Variants in SCHIP1 observed in about 807,000 individuals in gnomAD.
The protein encoded by SCHIP1 is schwannomin interacting protein 1.
A neutral mutation model predicts 29.7 loss-of-function variants in SCHIP1; 8 were observed. The observed-to-expected ratio is 0.27, with a 90% CI of 0.16 to 0.49. SCHIP1 has a LOEUF of 0.49. Among genes scored for constraint, SCHIP1 ranks in the 20% least tolerant of loss-of-function variants. The pLI, the probability that SCHIP1 is intolerant of heterozygous loss-of-function variation, is 0.99. For missense variants in SCHIP1, 193 were observed against 294.6 expected (o/e 0.66, Z 2.52); for synonymous variants, 76 against 94.9 (o/e 0.80, Z 1.16).
chr3:159,450,144 T>C, the SCHIP1 span, among the ~76,000 whole-genome samples: 1 of 152,204 alleles, frequency 6.6e-6, no homozygotes, highest in Non-Finnish European at 1.5e-5. Context: ...AATTTAGAAG[T>C]GTTTTCACTC....
the SCHIP1 span, among the ~76,000 whole-genome samples, chr3:159,320,414 G>A: frequency 0.019 from 2,937 of 152,128 alleles, 101 homozygotes; most frequent in African/African-American, 0.068. Flanking sequence ...CTCCAGAACC[G>A]TGAGAAACAA....
chr3:159,854,972 C>CT (rs372187507), intron 1 of SCHIP1, among the ~76,000 whole-genome samples: 3 of 152,300 alleles, frequency 2.0e-5, no homozygotes, highest in African/African-American at 7.2e-5. Flanking sequence ...GCTCAAGGAG[C>CT]TTTAAAACAT....
At chr3:159,841,131 G>A (rs1744179720) in intron 1 of SCHIP1, among the ~76,000 whole-genome samples, 2 of 152,152 alleles carry the variant, frequency 1.3e-5, no homozygotes, top group African/African-American at 4.8e-5. Flanking sequence ...CTTGTGTGAG[G>A]TCGGTTACCT....
the SCHIP1 span, among the ~76,000 whole-genome samples, chr3:159,710,094 A>AT: frequency 6.6e-6 from 1 of 152,252 alleles, no homozygotes; most frequent in Admixed American, 6.5e-5. Context: ...CTGGGTATAC[A>AT]TCCAAAAGAA....
the SCHIP1 span, among the ~76,000 whole-genome samples, chr3:159,458,000 T>A: frequency 0.32 from 48,623 of 152,062 alleles, 8,183 homozygotes; most frequent in South Asian, 0.48. Context: ...GGCAAAAATA[T>A]ATTAAACCTC....
At chr3:159,337,781 C>A in the SCHIP1 span, among the ~76,000 whole-genome samples, 2 of 151,900 alleles carry the variant, frequency 1.3e-5, no homozygotes, top group Non-Finnish European at 2.9e-5. Flanking sequence ...TGTTTCAATC[C>A]AAAATAGTGT....
chr3:159,403,118 C>A, the SCHIP1 span, among the ~76,000 whole-genome samples: 1 of 152,146 alleles, frequency 6.6e-6, no homozygotes, highest in Non-Finnish European at 1.5e-5. Flanking sequence ...AGCCCACATA[C>A]TTTATCCATT....
chr3:159,597,753 C>T, the SCHIP1 span, among the ~76,000 whole-genome samples: 1 of 152,074 alleles, frequency 6.6e-6, no homozygotes, highest in East Asian at 1.9e-4. Context: ...GTGCAATATC[C>T]CTTTGATACA....
chr3:159,356,220 GAAAA>G, the SCHIP1 span, among the ~76,000 whole-genome samples: 4 of 150,582 alleles, frequency 2.7e-5, no homozygotes, highest in African/African-American at 4.9e-5. Flanking sequence ...AAAAAAAAAA[GAAAA>G]AAGAAAAATT....
the SCHIP1 span, among the ~76,000 whole-genome samples, chr3:159,732,137 C>T: frequency 3.9e-5 from 6 of 152,342 alleles, no homozygotes; most frequent in East Asian, 9.6e-4. Flanking sequence ...TGAGCCACCA[C>T]GCCTGGCCCC....
chr3:159,673,406 G>A, the SCHIP1 span, among the ~76,000 whole-genome samples: 1 of 152,222 alleles, frequency 6.6e-6, no homozygotes, highest in Non-Finnish European at 1.5e-5. Flanking sequence ...TACTGCTATA[G>A]ACTATTTCTT....
chr3:159,739,354 A>C, the SCHIP1 span, among the ~76,000 whole-genome samples: 1 of 152,250 alleles, frequency 6.6e-6, no homozygotes, highest in Non-Finnish European at 1.5e-5. Context: ...GTAAATTGTA[A>C]GGGACAAAGG....
At chr3:159,509,925 T>C in the SCHIP1 span, among the ~76,000 whole-genome samples, 1 of 152,178 alleles carries the variant, frequency 6.6e-6, no homozygotes, top group African/African-American at 2.4e-5. Flanking sequence ...TCAACTTTGG[T>C]GAATCTGACA....
chr3:159,822,032 A>G, the SCHIP1 span, among the ~76,000 whole-genome samples: 3 of 152,374 alleles, frequency 2.0e-5, no homozygotes, highest in South Asian at 6.2e-4. Flanking sequence ...ATGGCACTCA[A>G]TTTAAATTTT....
the SCHIP1 span, among the ~76,000 whole-genome samples, chr3:159,459,111 A>G: frequency 6.6e-6 from 1 of 152,138 alleles, no homozygotes. Flanking sequence ...TTGATTATGC[A>G]ATATATAATG....
the SCHIP1 span, among the ~76,000 whole-genome samples, chr3:159,698,546 G>C: frequency 6.6e-6 from 1 of 152,236 alleles, no homozygotes; most frequent in Non-Finnish European, 1.5e-5. Flanking sequence ...GCACTTGCTT[G>C]ATAGGTACAG....
At chr3:159,673,776 T>G in the SCHIP1 span, among the ~76,000 whole-genome samples, 1 of 151,388 alleles carries the variant, frequency 6.6e-6, no homozygotes, top group Non-Finnish European at 1.5e-5. Context: ...TGACTTAATA[T>G]TAAAAACAAC....
the SCHIP1 span, among the ~76,000 whole-genome samples, chr3:159,776,530 T>C: frequency 2.3e-4 from 35 of 152,284 alleles, no homozygotes; most frequent in African/African-American, 8.4e-4. Context: ...TAACCAGTAA[T>C]CTGTTAGAGT....
chr3:159,508,621 C>A, the SCHIP1 span, among the ~76,000 whole-genome samples: 1 of 152,160 alleles, frequency 6.6e-6, no homozygotes, highest in Non-Finnish European at 1.5e-5. Flanking sequence ...GTAAATTTCC[C>A]GCTACACACT....
Sources: gnomAD v4.1 joint callset for allele counts (sites outside exome capture counted in the v4.1 genomes callset) on GRCh38, gnomAD v4.1.1 for gene constraint, MANE v1.5 for transcripts, NCBI Gene and HGNC (gene_info 2026-07-23, HGNC 2026-07-21) for gene names.